TCEANC: variants seen among roughly 807,000 people sequenced by gnomAD.
TCEANC encodes the protein transcription elongation factor A N-terminal and central domain-containing protein.
In TCEANC, 8 loss-of-function variants were observed where a neutral mutation model predicts 8.7. The ratio of observed to expected loss-of-function variants is 0.92; its 90% CI spans 0.54 to 1.65. TCEANC has a LOEUF of 1.65. Among genes scored for constraint, TCEANC ranks in the 40% most tolerant of loss-of-function variants. TCEANC has a pLI of 0.00. For synonymous variants in TCEANC, 78 were observed against 92.9 expected (o/e 0.84, Z 0.92); for missense variants, 255 against 251.9 (o/e 1.01, Z -0.08).
In TCEANC at chrX:13,662,545, C is replaced by G. The variant is rs936231869; in HGVS notation, c.37C>G (p.Leu13Val). Residue 13 changes from leucine (L) to valine (V), a missense_variant, in exon 2 of 2, where the codon CTT becomes GTT. By Grantham distance (32) the Leu-to-Val change is conservative. Coordinates refer to ENST00000380600, the Ensembl canonical transcript of TCEANC. ...GAACCAGATAGCTGCCAGAGCTTCT[C>G]TTATTGAGCAACTGATGTCCAAAAG... 6.6e-6 allele frequency: 8 copies of G among 1,211,416 alleles called. No homozygotes were observed. Among genetic ancestry groups the G allele is most frequent in the Non-Finnish European group, 7.8e-6 (7 of 895,370 alleles).
chrX:13,663,284 T>A (rs1206761830), exon 2 of TCEANC: 1 of 1,201,657 alleles, frequency 8.3e-7, no homozygotes, highest in South Asian at 1.8e-5. Context: ...ATGACTGTCA[T>A]GGAGATGGCA....
upstream of TCEANC, among the ~76,000 whole-genome samples, chrX:13,654,437 T>C (rs1673498919): frequency 8.9e-6 from 1 of 112,607 alleles, no homozygotes; most frequent in South Asian, 3.6e-4. Flanking sequence ...AGTTGAGTAG[T>C]CCATAGAGAT....
exon 2 of TCEANC, chrX:13,663,708 C>A: frequency 7.1e-6 from 4 of 563,408 alleles, no homozygotes; most frequent in Middle Eastern, 5.8e-4. Context: ...GCTGCCACCA[C>A]CATCCCTAAA....
upstream of TCEANC, chrX:13,653,264 C>T (rs1459274967): frequency 8.8e-6 from 1 of 113,062 alleles, no homozygotes; most frequent in Non-Finnish European, 1.9e-5. Context: ...GAAGCCCACC[C>T]CGGCTCGCGG....
chrX:13,663,646 T>C (rs769426579), exon 2 of TCEANC: 24 of 871,492 alleles, frequency 2.8e-5, no homozygotes, highest in East Asian at 3.5e-5. Context: ...AAAAATCTTA[T>C]ACACACTACT....
chrX:13,662,965 G>A (rs760780097), exon 2 of TCEANC: 2 of 1,209,298 alleles, frequency 1.7e-6, no homozygotes, highest in African/African-American at 1.8e-5. Context: ...GCATTTTGGG[G>A]ATGGTGACCC....
In TCEANC at chrX:13,656,897, G is replaced by A. The variant is rs185263313; in HGVS notation, c.-9+1524G>A. Among the ~76,000 whole-genome samples, 14 of 112,650 alleles carry A rather than the reference G, an allele frequency of 1.2e-4. No homozygotes were observed. In the East Asian group the frequency reaches 2.2e-3, roughly 18 times the overall value. ...CCACTCACATGAAGTACCTAGAGTA[G>A]TCTCATCCATAGAGACAGAAAGTCG... On this transcript the variant is annotated intron_variant, in intron 1 of 1. Transcript: ENST00000380600.
At chrX:13,654,202 C>T (rs2045906039), upstream of TCEANC, among the ~76,000 whole-genome samples, 1 of 112,558 alleles carries the variant, frequency 8.9e-6, no homozygotes, top group Admixed American at 9.3e-5. Flanking sequence ...TTAATTTCAC[C>T]AATTTTTATT....
exon 2 of TCEANC, chrX:13,663,260 G>T: frequency 8.3e-7 from 1 of 1,203,187 alleles, no homozygotes. Context: ...ACGTCTCCAC[G>T]AGAATTTGCT....
intron 1 of TCEANC, among the ~76,000 whole-genome samples, chrX:13,658,602 A>T (rs1254408761): frequency 8.9e-6 from 1 of 111,977 alleles, no homozygotes; most frequent in African/African-American, 3.3e-5. Flanking sequence ...GTGAGAAATG[A>T]ATCAATCACC....
At chrX:13,655,211 A>G (rs1288344342), upstream of TCEANC, 1 of 111,743 alleles carries the variant, frequency 8.9e-6, no homozygotes, top group Non-Finnish European at 1.9e-5. Flanking sequence ...CACCATGAAA[A>G]AAACTTGCAA....
At chrX:13,654,887 G>A (rs1186481845), upstream of TCEANC, among the ~76,000 whole-genome samples, 3 of 110,937 alleles carry the variant, frequency 2.7e-5, no homozygotes, top group Admixed American at 9.7e-5. Flanking sequence ...ATTTGAACTA[G>A]AATTTTTGAA....
exon 2 of TCEANC, chrX:13,663,849 C>T (rs1418865137): frequency 4.1e-6 from 1 of 241,381 alleles, no homozygotes; most frequent in African/African-American, 2.9e-5. Context: ...AAATGCATTC[C>T]CAGGCCTCAC....
At chrX:13,661,079 C>T (rs1402733702) in intron 1 of TCEANC, among the ~76,000 whole-genome samples, 1 of 111,678 alleles carries the variant, frequency 9.0e-6, no homozygotes, top group Admixed American at 9.5e-5. Context: ...CTCCTGACCT[C>T]GTGATCTGCC....
intron 1 of TCEANC, among the ~76,000 whole-genome samples, 26 bp from the exon 4 acceptor site, chrX:13,661,005 C>T (rs747599569): frequency 3.6e-5 from 4 of 111,101 alleles, no homozygotes; most frequent in East Asian, 2.8e-4. Context: ...CCACCACACC[C>T]GGCTAATTTT....
intron 1 of TCEANC, 23 bp from the exon 5 acceptor site, chrX:13,662,478 T>A: frequency 8.6e-7 from 1 of 1,165,773 alleles, no homozygotes; most frequent in Non-Finnish European, 1.1e-6. Flanking sequence ...TTAAGAAAAC[T>A]GAAACCTCTT....
upstream of TCEANC, chrX:13,653,157 T>C (rs1425563910): frequency 8.9e-6 from 1 of 112,940 alleles, no homozygotes; most frequent in Non-Finnish European, 1.9e-5. Context: ...ACTGGGCGGC[T>C]GAAGGCTCCG....
exon 2 of TCEANC, chrX:13,662,892 T>C (rs1470693743): frequency 1.7e-6 from 2 of 1,211,844 alleles, no homozygotes; most frequent in Non-Finnish European, 2.2e-6. Flanking sequence ...CCCAAGACGT[T>C]GCAAAACTCA....
In TCEANC at chrX:13,663,532, C is replaced by T. The variant is rs1403176873; in HGVS notation, c.1024C>T (p.Gln342Ter). The change falls in exon 2 of 2, where the codon CAG (glutamine) becomes TAG (stop). Residue 342 changes from glutamine to a stop codon, truncating the protein, a stop_gained. Transcript: ENST00000380600. LOFTEE classifies it high-confidence loss of function. ...CGTAATTTGTAACGAATGTGGGGAGCAGTGGTACCATAGCAAGTGGGTGTG... is the reference window on the plus strand; with the variant it reads ...CGTAATTTGTAACGAATGTGGGGAGTAGTGGTACCATAGCAAGTGGGTGTG... 2 of 1,159,856 alleles carry T rather than the reference C, an allele frequency of 1.7e-6. No individual in the cohort carries two copies. The highest frequency in any genetic ancestry group is 2.3e-6 in the Non-Finnish European group (2 of 868,754).
Sources: gnomAD v4.1 joint callset for allele counts (sites outside exome capture counted in the v4.1 genomes callset) on GRCh38, gnomAD v4.1.1 for gene constraint, MANE v1.5 for transcripts, NCBI Gene and HGNC (gene_info 2026-07-23, HGNC 2026-07-21) for gene names.